MAP3K20: variants seen among roughly 807,000 people sequenced by gnomAD.
MAP3K20 encodes the protein HCCS-4.
MAP3K20 carries 40 observed loss-of-function variants against 85.7 expected under a neutral mutation model. The ratio of observed to expected loss-of-function variants is 0.47; its 90% CI spans 0.36 to 0.61. MAP3K20 has a LOEUF of 0.61. MAP3K20 is among the 20% of genes least tolerant of loss of function. MAP3K20 has a pLI of 0.00. For synonymous variants in MAP3K20, 325 were observed against 327.7 expected, an observed-to-expected ratio of 0.99 and a Z score of 0.09; for missense variants, 817 against 961.7, an observed-to-expected ratio of 0.85 and a Z score of 1.99.
At chr2:173,159,623 CAA>C (rs1264813423) in intron 2 of MAP3K20, among the ~76,000 whole-genome samples, 1 of 152,178 alleles carries the variant, frequency 6.6e-6, no homozygotes, top group African/African-American at 2.4e-5. Context: ...CTCCTGAGCT[CAA>C]GTTATCTGCC....
At chr2:173,241,512 G>A (rs1468997235) in intron 16 of MAP3K20, among the ~76,000 whole-genome samples, 1 of 152,034 alleles carries the variant, frequency 6.6e-6, no homozygotes, top group Non-Finnish European at 1.5e-5. Flanking sequence ...ACTTGGAAAG[G>A]CTAAAGTGGG....
chr2:173,181,114 T>C (rs1271110328), intron 3 of MAP3K20, among the ~76,000 whole-genome samples: 6 of 152,194 alleles, frequency 3.9e-5, no homozygotes, highest in Admixed American at 3.9e-4. Flanking sequence ...AAGGGGCTAA[T>C]AGGCACATAA....
At chr2:173,083,365 T>TA (rs67719247) in intron 1 of MAP3K20, among the ~76,000 whole-genome samples, 2 of 152,180 alleles carry the variant, frequency 1.3e-5, no homozygotes, top group African/African-American at 4.8e-5. Flanking sequence ...TTTTTTATTT[T>TA]TTTTTTTTGA....
chr2:173,124,743 C>T (rs2106192216), intron 2 of MAP3K20, among the ~76,000 whole-genome samples: 1 of 152,300 alleles, frequency 6.6e-6, no homozygotes, highest in East Asian at 1.9e-4. Flanking sequence ...GCCAGACTGT[C>T]AAGAGGAAGA....
At chr2:173,142,733 G>A (rs1172112958) in intron 2 of MAP3K20, among the ~76,000 whole-genome samples, 2 of 151,714 alleles carry the variant, frequency 1.3e-5, no homozygotes, top group Admixed American at 6.6e-5. Flanking sequence ...GGAAAAACAG[G>A]GGAACAAAAA....
intron 1 of MAP3K20, chr2:173,090,478 G>T: frequency 6.5e-6 from 1 of 153,766 alleles, no homozygotes; most frequent in Non-Finnish European, 7.2e-6. Flanking sequence ...GTTTGTTTTT[G>T]GAGTCAACGT....
At chr2:173,210,540 TAAAAG>T (rs1028770731) in intron 10 of MAP3K20, 3 of 152,252 alleles carry the variant, frequency 2.0e-5, no homozygotes, top group South Asian at 2.1e-4. Flanking sequence ...AAAATACTCT[TAAAAG>T]AAAACTTGAT....
chr2:173,191,847 A>C (rs1333380732), intron 7 of MAP3K20, among the ~76,000 whole-genome samples: 2 of 152,224 alleles, frequency 1.3e-5, no homozygotes, highest in Non-Finnish European at 2.9e-5. Context: ...GAATCCGTTA[A>C]GGAGCAGAAG....
intron 2 of MAP3K20, among the ~76,000 whole-genome samples, chr2:173,163,754 T>C (rs1689732634): frequency 6.6e-6 from 1 of 152,174 alleles, no homozygotes; most frequent in African/African-American, 2.4e-5. Flanking sequence ...CCCTTGGGTT[T>C]CCCCCATTAT....
At position 173,179,704 on chromosome 2, in the gene MAP3K20, G is replaced by GCGCGCACA. The variant is rs374335619; in HGVS notation, c.248-3149_248-3148insGCGCACAC. On this transcript the variant is annotated intron_variant, in intron 3 of 19. Coordinates refer to ENST00000375213, the MANE Select transcript of MAP3K20 (RefSeq NM_016653.3). The stretch of plus-strand genomic sequence containing the variant: ...ATAGGTAGAAAATCCTAAGGAATGC[G>GCGCGCACA]CACACACACACACACACACACACAC... 3.7e-4 allele frequency among the ~76,000 whole-genome samples: 54 copies of GCGCGCACA among 146,176 alleles called. 1 individual carries two copies. In the East Asian group the frequency reaches 9.1e-3, roughly 25 times the overall value.
chr2:173,220,444 A>C lies in MAP3K20; in HGVS notation c.987+3194A>C, dbSNP rs568026041. The stretch of plus-strand genomic sequence containing the variant: ...ATTAACACTATTTTCCTTTCTTCCC[A>C]GTTTTCATGTGTTTACATACTTACG... On this transcript the variant is annotated intron_variant, in intron 11 of 19. Coordinates refer to ENST00000375213, the MANE Select transcript of MAP3K20 (RefSeq NM_016653.3). Among the ~76,000 whole-genome samples, 13 of 151,430 alleles carry C rather than the reference A, an allele frequency of 8.6e-5. No individual in the cohort carries two copies. The South Asian group carries it at 2.5e-3, about 29-fold the overall frequency.
At chr2:173,240,627 TGA>T (rs1312404631) in intron 16 of MAP3K20, among the ~76,000 whole-genome samples, 1 of 152,132 alleles carries the variant, frequency 6.6e-6, no homozygotes, top group Non-Finnish European at 1.5e-5. Flanking sequence ...AAAACCACAA[TGA>T]GATATCATCT....
chr2:173,087,851 ATG>A (rs34796533), intron 1 of MAP3K20, among the ~76,000 whole-genome samples: 119,627 of 151,944 alleles, frequency 0.79, 47,416 homozygotes, highest in East Asian at 0.86. Context: ...AATGGGAGAT[ATG>A]TGTGTCATCA....
intron 2 of MAP3K20, among the ~76,000 whole-genome samples, chr2:173,095,463 A>G (rs1459591332): frequency 2.0e-5 from 3 of 152,228 alleles, no homozygotes; most frequent in Admixed American, 6.5e-5. Context: ...GAGAAATTTT[A>G]TTCATGAAAG....
At chr2:173,130,265 G>T (rs1037097633) in intron 2 of MAP3K20, among the ~76,000 whole-genome samples, 5 of 152,110 alleles carry the variant, frequency 3.3e-5, no homozygotes, top group African/African-American at 1.2e-4. Flanking sequence ...AATTAAGCTA[G>T]TATGGAAAAC....
At chr2:173,150,665 G>A (rs932084551) in intron 2 of MAP3K20, among the ~76,000 whole-genome samples, 10 of 152,150 alleles carry the variant, frequency 6.6e-5, no homozygotes, top group Non-Finnish European at 8.8e-5. Flanking sequence ...TCCCGGGTTC[G>A]AGCAATTCTC....
chr2:173,199,996 A>G (rs1248134667), intron 8 of MAP3K20, among the ~76,000 whole-genome samples: 1 of 152,108 alleles, frequency 6.6e-6, no homozygotes, highest in Non-Finnish European at 1.5e-5. Flanking sequence ...TTTATTCATG[A>G]TATGTTCTGA....
At chr2:173,084,172 A>G (rs1052235365) in intron 1 of MAP3K20, among the ~76,000 whole-genome samples, 3 of 152,064 alleles carry the variant, frequency 2.0e-5, no homozygotes, top group Non-Finnish European at 4.4e-5. Context: ...GCTTCCCAAA[A>G]TGCTGGGATT....
intron 2 of MAP3K20, among the ~76,000 whole-genome samples, chr2:173,167,784 A>G (rs959361372): frequency 6.6e-6 from 1 of 152,212 alleles, no homozygotes; most frequent in African/African-American, 2.4e-5. Flanking sequence ...TGAAAATCCC[A>G]TCATGCTGCA....
Sources: gnomAD v4.1 joint callset for allele counts (sites outside exome capture counted in the v4.1 genomes callset) on GRCh38, gnomAD v4.1.1 for gene constraint, MANE v1.5 for transcripts, NCBI Gene and HGNC (gene_info 2026-07-23, HGNC 2026-07-21) for gene names.